GALNTL6: variants seen among roughly 807,000 people sequenced by gnomAD.
GALNTL6 encodes polypeptide N-acetylgalactosaminyltransferase-like 6.
A neutral mutation model predicts 73.7 loss-of-function variants in GALNTL6; 46 were observed. The ratio of observed to expected loss-of-function variants is 0.62; its 90% CI spans 0.49 to 0.80. The LOEUF is 0.80. GALNTL6 is among the 30% of genes least tolerant of loss of function. GALNTL6 has a pLI of 0.00. For synonymous variants in GALNTL6, 259 were observed against 263.7 expected (o/e 0.98, Z 0.17); for missense variants, 604 against 755.0 (o/e 0.80, Z 2.34).
chr4:172,315,633 TG>T, intron 4 of GALNTL6, among the ~76,000 whole-genome samples: 1 of 152,248 alleles, frequency 6.6e-6, no homozygotes, highest in African/African-American at 2.4e-5. Flanking sequence ...TGCCAAGTCA[TG>T]TCTGTATCCA....
intron 5 of GALNTL6, among the ~76,000 whole-genome samples, chr4:172,399,791 A>G (rs1304308792): frequency 6.6e-6 from 1 of 152,150 alleles, no homozygotes; most frequent in African/African-American, 2.4e-5. Flanking sequence ...AATGTAACCA[A>G]AAAATCAAAG....
At chr4:172,272,909 G>C (rs1321413018) in intron 3 of GALNTL6, among the ~76,000 whole-genome samples, 1 of 152,048 alleles carries the variant, frequency 6.6e-6, no homozygotes, top group Non-Finnish European at 1.5e-5. Context: ...GAAAAGGAAG[G>C]AAAAGAGAAG....
At chr4:172,039,240 G>A (rs530263253) in intron 2 of GALNTL6, among the ~76,000 whole-genome samples, 9 of 152,004 alleles carry the variant, frequency 5.9e-5, no homozygotes, top group Admixed American at 4.6e-4. Context: ...GGTGTAAACC[G>A]CAAACTTTTG....
intron 2 of GALNTL6, among the ~76,000 whole-genome samples, chr4:172,044,465 G>A (rs1233651655): frequency 6.6e-6 from 1 of 151,730 alleles, no homozygotes; most frequent in Non-Finnish European, 1.5e-5. Context: ...CTTACCCCGA[G>A]AATGTCAATT....
intron 2 of GALNTL6, among the ~76,000 whole-genome samples, chr4:172,156,954 AGAG>A (rs1280967818): frequency 6.6e-6 from 1 of 152,090 alleles, no homozygotes; most frequent in Non-Finnish European, 1.5e-5. Flanking sequence ...TCAGCTGGAG[AGAG>A]TATGTCCATT....
At chr4:172,957,230 G>T (rs562769609) in intron 10 of GALNTL6, among the ~76,000 whole-genome samples, 24 of 152,170 alleles carry the variant, frequency 1.6e-4, no homozygotes, top group Non-Finnish European at 2.9e-4. Flanking sequence ...ACTGAGAAGT[G>T]ATTTCCTTGA....
chr4:171,949,855 C>T (rs1738817850), intron 2 of GALNTL6, among the ~76,000 whole-genome samples: 1 of 151,990 alleles, frequency 6.6e-6, no homozygotes, highest in African/African-American at 2.4e-5. Flanking sequence ...AAAAGAGAGG[C>T]TAAGAGATAC....
chr4:171,814,779 G>T (rs996882351), intron 2 of GALNTL6, 61 bp downstream of exon 2: 1 of 1,564,386 alleles, frequency 6.4e-7, no homozygotes, highest in Non-Finnish European at 8.7e-7. Context: ...CTCGCGCGGG[G>T]ACTCGAGAAA....
At chr4:172,176,922 T>C (rs1735020884) in intron 2 of GALNTL6, among the ~76,000 whole-genome samples, 1 of 152,226 alleles carries the variant, frequency 6.6e-6, no homozygotes, top group African/African-American at 2.4e-5. Flanking sequence ...TTCTTATGTA[T>C]TTTAATACCC....
At chr4:172,316,155 A>G (rs2111155060) in intron 4 of GALNTL6, among the ~76,000 whole-genome samples, 1 of 152,322 alleles carries the variant, frequency 6.6e-6, no homozygotes, top group East Asian at 1.9e-4. Flanking sequence ...AATGTGGGTA[A>G]GAAAAATTCA....
At chr4:171,853,012 A>ATTTTTTTTCTTTT (rs1735564710) in intron 2 of GALNTL6, among the ~76,000 whole-genome samples, 1 of 86,870 alleles carries the variant, frequency 1.2e-5, no homozygotes, top group Non-Finnish European at 2.1e-5. Context: ...CGCCCGGCTA[A>ATTTTTTTTCTTTT]TTTTTTTTTT....
chr4:172,606,272 T>C (rs1037137631), intron 5 of GALNTL6, among the ~76,000 whole-genome samples: 1 of 151,688 alleles, frequency 6.6e-6, no homozygotes, highest in African/African-American at 2.4e-5. Flanking sequence ...CTGACCAACA[T>C]GGAGAAACCC....
chr4:172,641,740 A>G (rs1355137123), intron 5 of GALNTL6, among the ~76,000 whole-genome samples: 1 of 152,050 alleles, frequency 6.6e-6, no homozygotes, highest in Non-Finnish European at 1.5e-5. Flanking sequence ...TATTCATTAT[A>G]TTTATTTTTA....
chr4:172,066,137 T>C (rs998642307), intron 2 of GALNTL6, among the ~76,000 whole-genome samples: 2 of 152,176 alleles, frequency 1.3e-5, no homozygotes, highest in African/African-American at 2.4e-5. Context: ...GGTTCACTCT[T>C]GATGTTGTGC....
At chr4:172,724,027 C>T (rs1189320249) in intron 5 of GALNTL6, among the ~76,000 whole-genome samples, 1 of 152,106 alleles carries the variant, frequency 6.6e-6, no homozygotes, top group Non-Finnish European at 1.5e-5. Context: ...TGTCAGGAAA[C>T]CATGTGAAAC....
chr4:172,699,139 G>A (rs1733867868), intron 5 of GALNTL6, among the ~76,000 whole-genome samples: 1 of 151,980 alleles, frequency 6.6e-6, no homozygotes. Flanking sequence ...TCCTTCATGA[G>A]GATCTTAATC....
chr4:172,048,581 G>C (rs138044232), intron 2 of GALNTL6, among the ~76,000 whole-genome samples: 165 of 152,110 alleles, frequency 1.1e-3, no homozygotes, highest in South Asian at 2.7e-3. Flanking sequence ...CATGAACTTG[G>C]ATGAAAAGTA....
intron 5 of GALNTL6, among the ~76,000 whole-genome samples, chr4:172,627,586 G>A (rs1428737295): frequency 6.7e-6 from 1 of 149,886 alleles, no homozygotes; most frequent in Non-Finnish European, 1.5e-5. Flanking sequence ...GCTCTTCTTT[G>A]TATGTCTGGT....
At position 171,966,216 on chromosome 4, in the gene GALNTL6, G is replaced by T. The variant is rs541246631; in HGVS notation, c.138+151498G>T. On this transcript the variant is annotated intron_variant, in intron 2 of 12. Coordinates refer to ENST00000506823, the MANE Select transcript of GALNTL6 (RefSeq NM_001034845.3). Reference sequence around the variant, plus strand: ...GACAGTTTACCTTCTGGCATCTCCAGCACAGCATATACATTCTGAATTTAT... The same window carrying T: ...GACAGTTTACCTTCTGGCATCTCCATCACAGCATATACATTCTGAATTTAT... Among the ~76,000 whole-genome samples, 3 of 152,288 alleles carry T rather than the reference G, an allele frequency of 2.0e-5. No individual in the cohort carries two copies. The East Asian group carries it at 5.8e-4, about 29-fold the overall frequency.
Sources: allele counts gnomAD v4.1 joint callset (sites outside exome capture counted in the v4.1 genomes callset), GRCh38; gene constraint gnomAD v4.1.1; transcripts MANE v1.5; gene names NCBI Gene and HGNC (gene_info 2026-07-23, HGNC 2026-07-21).